XRCC3: variants seen among roughly 807,000 people sequenced by gnomAD.
XRCC3 encodes the protein X-ray repair cross complementing 3.
A neutral mutation model predicts 29.2 loss-of-function variants in XRCC3; 34 were observed. The ratio of observed to expected loss-of-function variants is 1.16; its 90% CI spans 0.88 to 1.55. The LOEUF (loss-of-function observed/expected upper bound fraction) is 1.55, where lower values mean the gene tolerates loss of function less well. Ranked by LOEUF, XRCC3 falls within the 40% of genes most tolerant of loss-of-function variation. The pLI is 0.00. For synonymous variants in XRCC3, 223 were observed against 211.3 expected, an observed-to-expected ratio of 1.06 and a Z score of -0.48; for missense variants, 463 against 467.6, an observed-to-expected ratio of 0.99 and a Z score of 0.09.
intron 7 of XRCC3, among the ~76,000 whole-genome samples, chr14:103,701,015 A>G (rs1161107529): frequency 6.6e-6 from 1 of 152,122 alleles, no homozygotes; most frequent in African/African-American, 2.4e-5. Context: ...TGCTCCAGGG[A>G]GCAGAGACCA....
intron 7 of XRCC3, chr14:103,700,602 C>T (rs1209003327): frequency 8.8e-6 from 13 of 1,482,916 alleles, no homozygotes; most frequent in Non-Finnish European, 1.2e-5. Flanking sequence ...TCTGAAGACG[C>T]CTGAGGGCCG....
intron 2 of XRCC3, chr14:103,711,980 C>T: frequency 2.9e-6 from 1 of 348,276 alleles, no homozygotes; most frequent in South Asian, 2.2e-5. Flanking sequence ...GGCCGTAACC[C>T]AGCAGAGGAA....
intron 7 of XRCC3, chr14:103,700,848 TG>T: frequency 2.4e-6 from 2 of 826,858 alleles, no homozygotes; most frequent in South Asian, 1.9e-5. Flanking sequence ...GCTGCCAGGC[TG>T]GGCCTCCAAG....
At chr14:103,707,547 A>G (rs1309396849) in intron 5 of XRCC3, 1 of 444,344 alleles carries the variant, frequency 2.3e-6, no homozygotes, top group Non-Finnish European at 4.2e-6. Flanking sequence ...CATGTGAAGA[A>G]AAAGGCACAG....
chr14:103,707,912 C>G (rs981508278), intron 5 of XRCC3: 5 of 205,326 alleles, frequency 2.4e-5, no homozygotes, highest in Non-Finnish European at 5.0e-5. Context: ...GAGGCCTGCC[C>G]AGAGCCCTGC....
chr14:103,712,373 C>T (rs951814380), intron 2 of XRCC3: 14 of 153,112 alleles, frequency 9.1e-5, no homozygotes, highest in African/African-American at 3.4e-4. Flanking sequence ...GCTGAACCAG[C>T]TCCAAACTGC....
chr14:103,711,066 G>T lies in XRCC3; in HGVS notation c.22C>A (p.Leu8Met), dbSNP rs1158944601. 2 of 1,614,108 alleles carry T rather than the reference G, an allele frequency of 1.2e-6. No homozygotes were observed. Among genetic ancestry groups the T allele is most frequent in the Non-Finnish European group, 1.7e-6 (2 of 1,180,018 alleles). Residue 8 changes from leucine to methionine, a missense_variant, in exon 4 of 10, where the codon CTG (leucine) becomes ATG (methionine). Coordinates refer to ENST00000555055, the MANE Select transcript of XRCC3 (RefSeq NM_005432.4). MDLDLLD[L>M]NPRIIAAIKK... ...ATTGCAGCAATAATTCTGGGATTCAGGTCCAGTAGATCCAAATCCATTTTG... is the reference window on the plus strand; with the variant it reads ...ATTGCAGCAATAATTCTGGGATTCATGTCCAGTAGATCCAAATCCATTTTG...
chr14:103,712,815 A>C (rs928474188), intron 2 of XRCC3, 60 bp downstream of exon 2: 1 of 152,356 alleles, frequency 6.6e-6, no homozygotes, highest in Non-Finnish European at 1.5e-5. Flanking sequence ...CGCCTTCAGG[A>C]CGCGGGCCGA....
chr14:103,703,232 C>T lies in XRCC3; in HGVS notation c.502G>A (p.Glu168Lys), dbSNP rs529784964. 1.3e-6 allele frequency: 2 copies of T among 1,566,746 alleles called. No homozygotes were observed. The highest frequency in any genetic ancestry group is 1.2e-5 in the South Asian group (1 of 85,892). ...CCAAATCGGAGCTTCTGAAGCAGCT[C>T]TCCTGGAACGTCAGTGCGCAGCCGC... is the stretch of plus-strand genomic sequence containing the variant. ...QPRLRTDVPG[E>K]LLQKLRFGSQ... Residue 168 changes from glutamate (E) to lysine (K), a missense_variant, in exon 7 of 10, where the codon GAG (glutamate) becomes AAG (lysine). Glu to Lys is a moderately conservative substitution (Grantham distance 56, BLOSUM62 1). Coordinates refer to ENST00000555055, the MANE Select transcript of XRCC3 (RefSeq NM_005432.4).
chr14:103,702,986 G>T, intron 7 of XRCC3, 187 bp downstream of exon 7: 1 of 862,808 alleles, frequency 1.2e-6, no homozygotes, highest in Non-Finnish European at 1.8e-6. Context: ...GTTCCTCTCA[G>T]TCACTCTCCA....
chr14:103,699,528 G>C lies in XRCC3; in HGVS notation c.610C>G (p.Arg204Gly), dbSNP rs779189770. ...ATGACCACCAGGCGAGCCATGCCCC[G>C]AGACAGCAGTACGGGGACCTTCTTA... ...VNKKVPVLLS[R>G]GMARLVVIDS... is the part of the protein sequence containing the mutation. The change falls in exon 8 of 10, where the codon CGG becomes GGG. Residue 204 changes from arginine (R) to glycine (G), a missense_variant. Coordinates refer to ENST00000555055, the MANE Select transcript of XRCC3 (RefSeq NM_005432.4). The C allele has an allele frequency of 6.2e-6, 10 of 1,613,326 alleles. No homozygotes were observed. The highest frequency in any genetic ancestry group is 8.5e-6 in the Non-Finnish European group (10 of 1,179,976).
intron 1 of XRCC3, among the ~76,000 whole-genome samples, chr14:103,714,656 C>T (rs1159936564): frequency 1.3e-5 from 2 of 152,120 alleles, no homozygotes; most frequent in Admixed American, 1.3e-4. Flanking sequence ...GAATTAAAGG[C>T]AGGATGAACA....
intron 6 of XRCC3, chr14:103,706,208 T>A (rs2083430548): frequency 2.4e-6 from 1 of 419,980 alleles, no homozygotes; most frequent in South Asian, 1.7e-5. Flanking sequence ...GACGCTGACC[T>A]GAGGGTGGCA....
At position 103,708,729 on chromosome 14, in the gene XRCC3, G is replaced by A. The variant is rs56085575; in HGVS notation, c.56-70C>T. 1,796 of 1,604,216 alleles carry A rather than the reference G, an allele frequency of 1.1e-3. 24 individuals carry two copies. The African/African-American group carries it at 0.021, about 18-fold the overall frequency. ...AACGCAGGGCAACACAGTGACAAAA[G>A]GTGCTTTGTTAAGAGCACTGTGAGA... On this transcript the variant is annotated intron_variant, in intron 4 of 9. Transcript: ENST00000555055.
At chr14:103,706,276 G>A (rs1326117738) in intron 6 of XRCC3, 1 of 454,684 alleles carries the variant, frequency 2.2e-6, no homozygotes, top group African/African-American at 2.0e-5. Context: ...GGAGGTGGCT[G>A]GCTGGGCCTG....
chr14:103,699,649 T>A, intron 7 of XRCC3, 73 bp from the exon 8 acceptor site: 1 of 1,495,278 alleles, frequency 6.7e-7, no homozygotes, highest in Non-Finnish European at 9.3e-7. Flanking sequence ...CCGTTTGGAC[T>A]GTCACTCGAC....
At chr14:103,712,580 A>G (rs55729369) in intron 2 of XRCC3, 2,614 of 152,602 alleles carry the variant, frequency 0.017, 67 homozygotes, top group African/African-American at 0.055. Context: ...TGAACCTCGC[A>G]CCTGGTAGGG....
rs1386050098 is a variant in XRCC3 at position 103,698,780 on chromosome 14, T to C, written c.*18A>G. The C allele has an allele frequency of 3.8e-6, 6 of 1,576,618 alleles. No individual in the cohort carries two copies. In the South Asian group the frequency reaches 5.8e-5, roughly 15 times the overall value. ...GTCGGGGCTTCTCAGGCAGGGCTGT[T>C]GTGCAGCCGCCACCGTGTCAGTGGG... On this transcript the variant is annotated 3_prime_UTR_variant, in exon 10 of 10. Transcript: ENST00000555055.
In XRCC3 at chr14:103,711,063, T is replaced by G. The variant is rs1191513641; in HGVS notation, c.25A>C (p.Asn9His). Residue 9 changes from asparagine to histidine, a missense_variant, in exon 4 of 10, where the codon AAT becomes CAT. By Grantham distance (68) the Asn-to-His change is moderately conservative. Coordinates refer to ENST00000555055, the MANE Select transcript of XRCC3 (RefSeq NM_005432.4). Reference sequence around the variant, plus strand: ...TTAATTGCAGCAATAATTCTGGGATTCAGGTCCAGTAGATCCAAATCCATT... The same window carrying G: ...TTAATTGCAGCAATAATTCTGGGATGCAGGTCCAGTAGATCCAAATCCATT... MDLDLLDL[N>H]PRIIAAIKKA... 6.2e-7 allele frequency: 1 copy of G among 1,614,170 alleles called. No individual in the cohort carries two copies. The highest frequency in any genetic ancestry group is 1.7e-5 in the Admixed American group (1 of 60,028).
Sources: gnomAD v4.1 joint callset for allele counts (sites outside exome capture counted in the v4.1 genomes callset) on GRCh38, gnomAD v4.1.1 for gene constraint, MANE v1.5 for transcripts, NCBI Gene and HGNC (gene_info 2026-07-23, HGNC 2026-07-21) for gene names.